The following TAFA2 variants were observed in gnomAD, a reference collection of about 807,000 sequenced individuals.
TAFA2 encodes the protein TAFA chemokine like family member 2.
In TAFA2, 7 loss-of-function variants were observed where a neutral mutation model predicts 18.8. The observed-to-expected ratio is 0.37, with a 90% CI of 0.21 to 0.70. The LOEUF is 0.70. Among genes scored for constraint, TAFA2 ranks in the 30% least tolerant of loss-of-function variants. The probability of loss-of-function intolerance (pLI) is 0.53; values close to 1 mark genes in which losing one functional copy is unlikely to be tolerated. For missense variants in TAFA2, 122 were observed against 158.1 expected, an observed-to-expected ratio of 0.77 and a Z score of 1.23; for synonymous variants, 60 against 54.2, an observed-to-expected ratio of 1.11 and a Z score of -0.47.
At chr12:62,094,589 A>G (rs1043769139) in intron 1 of TAFA2, among the ~76,000 whole-genome samples, 1 of 152,116 alleles carries the variant, frequency 6.6e-6, no homozygotes, top group Non-Finnish European at 1.5e-5. Context: ...CCTTAATATC[A>G]TTCCAAAATT....
intron 1 of TAFA2, among the ~76,000 whole-genome samples, chr12:61,905,758 T>A (rs959859036): frequency 4.6e-5 from 7 of 152,326 alleles, no homozygotes; most frequent in Non-Finnish European, 8.8e-5. Flanking sequence ...AGAATTTCTT[T>A]TTCATACACA....
At chr12:61,779,474 A>T (rs1870411894) in intron 2 of TAFA2, among the ~76,000 whole-genome samples, 1 of 151,880 alleles carries the variant, frequency 6.6e-6, no homozygotes, top group Non-Finnish European at 1.5e-5. Context: ...TGTTAACTGG[A>T]GCTGCCTTAG....
chr12:61,744,254 C>T (rs1868591367), intron 4 of TAFA2, among the ~76,000 whole-genome samples: 1 of 152,084 alleles, frequency 6.6e-6, no homozygotes, highest in South Asian at 2.1e-4. Flanking sequence ...AATATGTGAA[C>T]ATTCACAATT....
In TAFA2 at chr12:62,153,854, G is replaced by C. The variant is rs116788654; in HGVS notation, c.-2+37405C>G. Among the ~76,000 whole-genome samples the C allele has an allele frequency of 9.6e-3, 1,454 of 152,106 alleles. 22 individuals carry two copies. The highest frequency in any genetic ancestry group is 0.034 in the African/African-American group (1,403 of 41,464). On this transcript the variant is annotated intron_variant, in intron 1 of 4. Transcript: ENST00000416284. ...GTTTACACCTATATATTTAGAGATG[G>C]AAGTCTCATTATATTGCCCAAGTTG...
chr12:62,009,116 G>A (rs1244715218), intron 1 of TAFA2, among the ~76,000 whole-genome samples: 3 of 152,108 alleles, frequency 2.0e-5, no homozygotes, highest in Non-Finnish European at 4.4e-5. Flanking sequence ...TCAGTATCTG[G>A]TCACACATAG....
At chr12:61,733,300 C>T (rs1023299051) in intron 4 of TAFA2, among the ~76,000 whole-genome samples, 17 of 151,608 alleles carry the variant, frequency 1.1e-4, no homozygotes, top group South Asian at 2.1e-4. Context: ...GTCAATTTTG[C>T]CTTTTGTTGC....
At chr12:61,956,607 T>C (rs2121467171) in intron 1 of TAFA2, among the ~76,000 whole-genome samples, 1 of 141,434 alleles carries the variant, frequency 7.1e-6, no homozygotes, top group South Asian at 2.4e-4. Flanking sequence ...GTGAAAGTGG[T>C]AGTAGAATTT....
intron 1 of TAFA2, among the ~76,000 whole-genome samples, chr12:62,221,216 G>GGGGAGGAAGGAA (rs2062760049): frequency 1.3e-5 from 1 of 78,820 alleles, no homozygotes; most frequent in Non-Finnish European, 2.5e-5. Context: ...GAAGGAAGGG[G>GGGGAGGAAGGAA]GGAAGGAAGG....
chr12:62,204,076 T>C (rs1182121185), intron 1 of TAFA2, among the ~76,000 whole-genome samples: 1 of 152,222 alleles, frequency 6.6e-6, no homozygotes. Flanking sequence ...AAGGATCTTA[T>C]TTCTCCTTTG....
At chr12:61,767,698 G>C (rs1366502678) in intron 2 of TAFA2, among the ~76,000 whole-genome samples, 1 of 151,754 alleles carries the variant, frequency 6.6e-6, no homozygotes, top group East Asian at 1.9e-4. Context: ...TTTCAGTAAG[G>C]AACATCCAGG....
intron 1 of TAFA2, among the ~76,000 whole-genome samples, chr12:61,930,440 CTTAAAAA>C (rs1877509292): frequency 6.6e-6 from 1 of 152,198 alleles, no homozygotes; most frequent in African/African-American, 2.4e-5. Flanking sequence ...TGGCTCTGTG[CTTAAAAA>C]CTTTACATGG....
At chr12:62,118,353 C>A (rs571206873) in intron 1 of TAFA2, among the ~76,000 whole-genome samples, 2 of 151,810 alleles carry the variant, frequency 1.3e-5, no homozygotes, top group Non-Finnish European at 2.9e-5. Context: ...GTGAATATAC[C>A]ACAGTTTATT....
In TAFA2 at chr12:62,225,627, C is replaced by A. The variant is rs537091697; in HGVS notation, c.-130+33136G>T. Among the ~76,000 whole-genome samples, 132 of 151,446 alleles carry A rather than the reference C, an allele frequency of 8.7e-4. 2 individuals carry two copies. Among genetic ancestry groups the A allele is most frequent in the African/African-American group, 3.1e-3 (129 of 41,238 alleles). On this transcript the variant is annotated intron_variant, in intron 1 of 5. Coordinates refer to the TAFA2 transcript ENST00000551619. ...TTTCCTTATATAGTAAAGATTCCTCCAAATCAATATTAAAGAAAAAAAATG... is the reference window on the plus strand; with the variant it reads ...TTTCCTTATATAGTAAAGATTCCTCAAAATCAATATTAAAGAAAAAAAATG...
chr12:61,947,605 G>A (rs1469744908), intron 1 of TAFA2, among the ~76,000 whole-genome samples: 1 of 148,844 alleles, frequency 6.7e-6, no homozygotes, highest in Non-Finnish European at 1.5e-5. Context: ...CGGTCAGTTT[G>A]TTGAAAAGCC....
At chr12:61,781,225 G>T (rs1870489339) in intron 2 of TAFA2, among the ~76,000 whole-genome samples, 1 of 151,818 alleles carries the variant, frequency 6.6e-6, no homozygotes, top group East Asian at 2.0e-4. Context: ...GGAAGCCTGA[G>T]AAGGATAGAA....
intron 2 of TAFA2, among the ~76,000 whole-genome samples, chr12:61,778,265 T>A (rs937695146): frequency 2.0e-5 from 3 of 151,800 alleles, no homozygotes; most frequent in Non-Finnish European, 2.9e-5. Flanking sequence ...GTACTATCTC[T>A]CGAGCCTAAG....
At chr12:61,737,783 C>T (rs1868328608) in intron 4 of TAFA2, among the ~76,000 whole-genome samples, 1 of 151,318 alleles carries the variant, frequency 6.6e-6, no homozygotes, top group African/African-American at 2.4e-5. Context: ...TATTCTATTC[C>T]TGCTACAAAA....
At chr12:62,072,321 T>G (rs1407288533) in intron 1 of TAFA2, among the ~76,000 whole-genome samples, 1 of 151,760 alleles carries the variant, frequency 6.6e-6, no homozygotes, top group Non-Finnish European at 1.5e-5. Flanking sequence ...ATAAAAAAAT[T>G]AGCCGGGCAT....
chr12:62,178,680 C>T (rs905003282), intron 1 of TAFA2, among the ~76,000 whole-genome samples: 2 of 152,196 alleles, frequency 1.3e-5, no homozygotes, highest in Admixed American at 6.5e-5. Context: ...GCAGATGCTG[C>T]ATGTGGCATC....
Sources: allele counts gnomAD v4.1 joint callset (sites outside exome capture counted in the v4.1 genomes callset), GRCh38; gene constraint gnomAD v4.1.1; transcripts MANE v1.5; gene names NCBI Gene and HGNC (gene_info 2026-07-23, HGNC 2026-07-21).